The following MRTFA variants were observed in gnomAD, a reference collection of about 807,000 sequenced individuals.
MRTFA encodes myocardin-related transcription factor A.
A neutral mutation model predicts 83.5 loss-of-function variants in MRTFA; 20 were observed. The observed-to-expected ratio is 0.24, with a 90% CI of 0.17 to 0.35. The LOEUF (loss-of-function observed/expected upper bound fraction) is 0.35. Among genes scored for constraint, MRTFA ranks in the 10% least tolerant of loss-of-function variants. The probability of loss-of-function intolerance (pLI) is 1.00; values close to 1 mark genes in which losing one functional copy is unlikely to be tolerated. For missense variants in MRTFA, 1,200 were observed against 1,224.7 expected, an observed-to-expected ratio of 0.98 and a Z score of 0.30; for synonymous variants, 659 against 541.2, an observed-to-expected ratio of 1.22 and a Z score of -3.02.
At chr22:40,506,504 AG>A (rs1437710375) in intron 3 of MRTFA, among the ~76,000 whole-genome samples, 2 of 152,200 alleles carry the variant, frequency 1.3e-5, no homozygotes, top group Non-Finnish European at 2.9e-5. Context: ...TTTACTATTA[AG>A]AAACTGTGGT....
At position 40,464,309 on chromosome 22, in the gene MRTFA, G is replaced by GAAA. The variant is rs398040500; in HGVS notation, c.242-1026_242-1024dup. Among the ~76,000 whole-genome samples, 351 of 55,272 alleles carry GAAA rather than the reference G, an allele frequency of 6.4e-3. 1 individual carries two copies. The highest frequency in any genetic ancestry group is 0.01 in the Middle Eastern group (1 of 96). 36.3% of individuals were successfully genotyped at this position (55,272 alleles called of 152,430 possible). A position where few individuals can be genotyped will look rare whatever the true frequency, so the allele number is the denominator to read the frequency against. On this transcript the variant is annotated intron_variant, in intron 3 of 14. Coordinates refer to ENST00000355630, the MANE Select transcript of MRTFA (RefSeq NM_020831.6). The stretch of plus-strand genomic sequence containing the variant: ...TAACGAGAGTGAGATGCTGTCTCAG[G>GAAA]AAAAAAAAAAAAAAAAAAAAAAACA...
chr22:40,632,850 C>T lies in MRTFA; in HGVS notation c.-84+3628G>A, dbSNP rs953157851. Among the ~76,000 whole-genome samples, 7 of 152,186 alleles carry T rather than the reference C, an allele frequency of 4.6e-5. No individual in the cohort carries two copies. In the East Asian group the frequency reaches 5.8e-4, roughly 13 times the overall value. ...AAATGTTGTCTTAAACACTAACTTTCGAGGTAATCTGTTACACAGGAAGAC... is the reference window on the plus strand; with the variant it reads ...AAATGTTGTCTTAAACACTAACTTTTGAGGTAATCTGTTACACAGGAAGAC... On this transcript the variant is annotated intron_variant, in intron 1 of 14. Transcript: ENST00000355630.
At chr22:40,509,438 G>T (rs2147239019) in intron 3 of MRTFA, among the ~76,000 whole-genome samples, 1 of 152,330 alleles carries the variant, frequency 6.6e-6, no homozygotes, top group South Asian at 2.1e-4. Context: ...ATCCAGGATT[G>T]ATAAAAAGCC....
In MRTFA at chr22:40,416,521, C is replaced by T. The variant is rs1254659627; in HGVS notation, c.2578+465G>A. On this transcript the variant is annotated intron_variant, in intron 14 of 14. Coordinates refer to ENST00000355630, the MANE Select transcript of MRTFA (RefSeq NM_020831.6). The surrounding 1 kb of genome is among the most constrained non-coding windows in gnomAD (Gnocchi z 4.2). The stretch of plus-strand genomic sequence containing the variant: ...GAAGGCCTTCTTCCCCTTTCCTCAA[C>T]TCCACTCCAACCCGCCAGGTACTCC... Among the ~76,000 whole-genome samples, 1 of 152,226 alleles carries T rather than the reference C, an allele frequency of 6.6e-6. No individual in the cohort carries two copies. Among genetic ancestry groups the T allele is most frequent in the Non-Finnish European group, 1.5e-5 (1 of 68,048 alleles).
At chr22:40,426,911 C>T (rs1042610509) in intron 7 of MRTFA, among the ~76,000 whole-genome samples, 1 of 152,190 alleles carries the variant, frequency 6.6e-6, no homozygotes, top group Non-Finnish European at 1.5e-5. Context: ...TGTGATCCTG[C>T]AAGCAGTCGC....
At chr22:40,523,357 T>C (rs2054903757) in intron 3 of MRTFA, 1 of 152,224 alleles carries the variant, frequency 6.6e-6, no homozygotes, top group South Asian at 2.1e-4. Flanking sequence ...AATCTTTTTT[T>C]TGAGATAGGG....
At chr22:40,516,422 GAAAAA>G (rs56745896) in intron 3 of MRTFA, among the ~76,000 whole-genome samples, 2 of 47,014 alleles carry the variant, frequency 4.3e-5, no homozygotes, top group African/African-American at 7.7e-5. Flanking sequence ...ACTGCCTCAA[GAAAAA>G]AAAAAAAAAA....
chr22:40,470,280 T>A (rs1372126119), intron 3 of MRTFA, among the ~76,000 whole-genome samples: 6 of 106,384 alleles, frequency 5.6e-5, no homozygotes, highest in East Asian at 2.7e-4. Flanking sequence ...TATATATATA[T>A]AAAGAAACAT....
intron 1 of MRTFA, among the ~76,000 whole-genome samples, chr22:40,608,356 C>T (rs1424582758): frequency 6.6e-6 from 1 of 152,184 alleles, no homozygotes; most frequent in Non-Finnish European, 1.5e-5. Context: ...GAGGAAACAA[C>T]TCAGACCCAG....
chr22:40,417,454 C>T lies in MRTFA; in HGVS notation c.2404G>A (p.Ala802Thr). Residue 802 changes from alanine to threonine, a missense_variant, in exon 13 of 15, where the codon GCC becomes ACC. Ala to Thr is a moderately conservative substitution (Grantham distance 58). This residue lies in a region of MRTFA where 1,107 missense variants were observed against 1,041.8 expected (regional missense o/e 1.06). Coordinates refer to ENST00000355630, the MANE Select transcript of MRTFA (RefSeq NM_020831.6). ...AGTGGGTGCTCCAGGTCCATCTGGG[C>T]AGAGGGGGCAGGCGCTGGAGAGCCA... is the stretch of plus-strand genomic sequence containing the variant. 5 of 1,599,348 alleles carry T rather than the reference C, an allele frequency of 3.1e-6. No individual in the cohort carries two copies. The highest frequency in any genetic ancestry group is 4.3e-6 in the Non-Finnish European group (5 of 1,174,020).
At chr22:40,553,298 A>T (rs1354269114) in intron 2 of MRTFA, among the ~76,000 whole-genome samples, 1 of 152,246 alleles carries the variant, frequency 6.6e-6, no homozygotes, top group Non-Finnish European at 1.5e-5. Flanking sequence ...GCCTAACATT[A>T]ATCACCAAGA....
At chr22:40,580,698 A>G (rs2055934842) in intron 2 of MRTFA, among the ~76,000 whole-genome samples, 1 of 152,164 alleles carries the variant, frequency 6.6e-6, no homozygotes, top group Non-Finnish European at 1.5e-5. Flanking sequence ...TGCTGAAGGT[A>G]ATATAGCTTC....
chr22:40,553,815 C>A (rs1258554440), intron 2 of MRTFA, among the ~76,000 whole-genome samples: 1 of 152,148 alleles, frequency 6.6e-6, no homozygotes, highest in Non-Finnish European at 1.5e-5. Context: ...ATAGCTTGCA[C>A]CATACACCTG....
Position 40,411,544 on chromosome 22 carries a change from G to A in MRTFA, c.2942C>T (p.Ala981Val), listed in dbSNP as rs756075187. Reference sequence around the variant, plus strand: ...GTCCATGCTGTCCAGGTGGCCATCAGCCAGGTCCAGGCCCATGGTGCTGCT... The same window carrying A: ...GTCCATGCTGTCCAGGTGGCCATCAACCAGGTCCAGGCCCATGGTGCTGCT... Residue 981 changes from alanine to valine, a missense_variant, in exon 15 of 15, where the codon GCT (alanine) becomes GTT (valine). By Grantham distance (64) the Ala-to-Val change is moderately conservative. Transcript: ENST00000355630. 2.5e-6 allele frequency: 4 copies of A among 1,613,462 alleles called. No individual in the cohort carries two copies. In the South Asian group the frequency reaches 4.4e-5, roughly 18 times the overall value.
chr22:40,455,590 G>A (rs1285227042), intron 4 of MRTFA, among the ~76,000 whole-genome samples: 3 of 150,158 alleles, frequency 2.0e-5, no homozygotes, highest in African/African-American at 7.4e-5. Context: ...AGCTTGCAGT[G>A]AGCCGAGATC....
At chr22:40,569,759 A>ACATACATC (rs2055760161) in intron 2 of MRTFA, 4 of 150,914 alleles carry the variant, frequency 2.7e-5, no homozygotes, top group Non-Finnish European at 5.9e-5. Flanking sequence ...ATACATACAT[A>ACATACATC]CATACATACA....
At chr22:40,586,445 A>G (rs1361617379) in intron 2 of MRTFA, among the ~76,000 whole-genome samples, 2 of 152,186 alleles carry the variant, frequency 1.3e-5, no homozygotes. Context: ...TCTTAATTTT[A>G]GAAGTTAAAC....
chr22:40,535,110 A>G (rs2055145326), intron 3 of MRTFA, among the ~76,000 whole-genome samples: 1 of 152,200 alleles, frequency 6.6e-6, no homozygotes, highest in African/African-American at 2.4e-5. Flanking sequence ...GGCAATGAGT[A>G]GCAGCCAGTG....
intron 2 of MRTFA, among the ~76,000 whole-genome samples, chr22:40,589,909 C>G (rs578172123): frequency 6.6e-6 from 1 of 151,828 alleles, no homozygotes; most frequent in East Asian, 1.9e-4. Flanking sequence ...GTAATCCCAG[C>G]TACTCAGGAG....
Sources: allele counts gnomAD v4.1 joint callset (sites outside exome capture counted in the v4.1 genomes callset), GRCh38; gene constraint gnomAD v4.1.1; regional missense constraint gnomAD v4.1.1; non-coding constraint Gnocchi (gnomAD v3.1); transcripts MANE v1.5; gene names NCBI Gene and HGNC (gene_info 2026-07-23, HGNC 2026-07-21).